The following CCSER1 variants were observed in gnomAD, a reference collection of about 807,000 sequenced individuals.
CCSER1 encodes coiled-coil serine rich protein 1.
A neutral mutation model predicts 82.0 loss-of-function variants in CCSER1; 41 were observed. The observed-to-expected ratio is 0.50, with a 90% confidence interval of 0.39 to 0.65. CCSER1 has a LOEUF of 0.65. Among genes scored for constraint, CCSER1 ranks in the 30% least tolerant of loss-of-function variants. The pLI, the probability that CCSER1 is intolerant of heterozygous loss-of-function variation, is 0.00. For synonymous variants in CCSER1, 414 were observed against 383.9 expected (o/e 1.08, Z -0.92); for missense variants, 1,119 against 1,064.2 (o/e 1.05, Z -0.72).
intron 1 of CCSER1, among the ~76,000 whole-genome samples, chr4:90,205,076 C>T (rs1220140634): frequency 1.3e-5 from 2 of 152,170 alleles, no homozygotes; most frequent in South Asian, 2.1e-4. Flanking sequence ...TGCTTATCAG[C>T]TTAAGGAAAT....
chr4:90,999,202 G>T (rs1737778683), intron 9 of CCSER1, among the ~76,000 whole-genome samples: 1 of 152,066 alleles, frequency 6.6e-6, no homozygotes, highest in Admixed American at 6.6e-5. Context: ...TGTGAGTGCT[G>T]TCCCTTTACG....
intron 10 of CCSER1, among the ~76,000 whole-genome samples, chr4:91,342,459 C>T (rs1003784958): frequency 6.6e-6 from 1 of 152,080 alleles, no homozygotes; most frequent in Non-Finnish European, 1.5e-5. Flanking sequence ...TAAGGATTGG[C>T]CTACTCTTTT....
intron 7 of CCSER1, among the ~76,000 whole-genome samples, chr4:90,749,574 C>A (rs973240911): frequency 2.6e-5 from 4 of 151,936 alleles, no homozygotes; most frequent in Non-Finnish European, 4.4e-5. Context: ...ATTCTGTGAA[C>A]AAAGTCATTG....
chr4:91,356,296 T>C (rs1645471116), intron 10 of CCSER1, among the ~76,000 whole-genome samples: 1 of 152,262 alleles, frequency 6.6e-6, no homozygotes, highest in African/African-American at 2.4e-5. Context: ...GGGGCCGACA[T>C]GCGTTTTTCT....
intron 6 of CCSER1, among the ~76,000 whole-genome samples, chr4:90,675,063 C>A (rs1412012806): frequency 6.6e-6 from 1 of 151,992 alleles, no homozygotes; most frequent in African/African-American, 2.4e-5. Context: ...CATTTACTAT[C>A]ATCATTGTGA....
At chr4:90,223,388 C>G (rs1261709211) in intron 1 of CCSER1, among the ~76,000 whole-genome samples, 1 of 151,804 alleles carries the variant, frequency 6.6e-6, no homozygotes, top group Non-Finnish European at 1.5e-5. Flanking sequence ...AATTACTAAC[C>G]CTTCATTATT....
At chr4:90,937,202 G>C (rs1344495556) in intron 9 of CCSER1, among the ~76,000 whole-genome samples, 3 of 152,128 alleles carry the variant, frequency 2.0e-5, no homozygotes, top group African/African-American at 7.2e-5. Context: ...GTGTAGAAAA[G>C]AGCCATCAGG....
intron 10 of CCSER1, among the ~76,000 whole-genome samples, chr4:91,455,743 G>A (rs1244986726): frequency 2.0e-5 from 3 of 151,976 alleles, no homozygotes; most frequent in Admixed American, 6.6e-5. Flanking sequence ...TATAATTGCA[G>A]AACAAATATT....
intron 10 of CCSER1, among the ~76,000 whole-genome samples, chr4:91,464,206 T>TC (rs36138203): frequency 0.84 from 127,417 of 152,084 alleles, 53,847 homozygotes; most frequent in African/African-American, 0.94. Flanking sequence ...TATTCAACAT[T>TC]TTAAAGAAAA....
At chr4:91,219,454 A>C (rs1221360134) in intron 10 of CCSER1, among the ~76,000 whole-genome samples, 1 of 151,896 alleles carries the variant, frequency 6.6e-6, no homozygotes, top group African/African-American at 2.4e-5. Context: ...CTGGGTCTGC[A>C]GTCGCCTGCC....
chr4:91,334,493 G>A (rs530573471), intron 10 of CCSER1, among the ~76,000 whole-genome samples: 24 of 152,020 alleles, frequency 1.6e-4, no homozygotes, highest in Non-Finnish European at 2.8e-4. Context: ...CATGAGAAAA[G>A]CAGTTGCTAC....
chr4:90,523,581 A>G (rs1353619037), intron 5 of CCSER1, among the ~76,000 whole-genome samples: 1 of 152,178 alleles, frequency 6.6e-6, no homozygotes, highest in African/African-American at 2.4e-5. Flanking sequence ...TTGAGAATAC[A>G]GTTTTGTTAT....
chr4:91,418,890 T>G (rs1351756547), intron 10 of CCSER1, among the ~76,000 whole-genome samples: 1 of 152,008 alleles, frequency 6.6e-6, no homozygotes, highest in African/African-American at 2.4e-5. Context: ...AAAAGAATCA[T>G]AAACCATGAT....
At chr4:90,382,994 C>A (rs1267334551) in intron 3 of CCSER1, among the ~76,000 whole-genome samples, 3 of 152,050 alleles carry the variant, frequency 2.0e-5, no homozygotes, top group Admixed American at 2.0e-4. Context: ...ATATTCAAGG[C>A]TGTTCCAGGT....
At chr4:90,740,393 A>G (rs1038940302) in intron 7 of CCSER1, among the ~76,000 whole-genome samples, 1 of 152,194 alleles carries the variant, frequency 6.6e-6, no homozygotes, top group African/African-American at 2.4e-5. Context: ...TGAGAATTAT[A>G]TCCTGGTAAG....
chr4:90,644,737 C>T (rs1051330937), intron 6 of CCSER1, among the ~76,000 whole-genome samples: 6 of 151,916 alleles, frequency 3.9e-5, no homozygotes, highest in African/African-American at 1.5e-4. Context: ...TCTGTGCCTG[C>T]ATAAGTTTGC....
chr4:90,207,130 C>A (rs565262049), intron 1 of CCSER1, among the ~76,000 whole-genome samples: 17 of 152,138 alleles, frequency 1.1e-4, no homozygotes, highest in Non-Finnish European at 2.1e-4. Context: ...TGAATCTTGA[C>A]TCTTTATCCA....
At chr4:91,105,329 A>C (rs1055273009) in intron 10 of CCSER1, among the ~76,000 whole-genome samples, 3 of 151,966 alleles carry the variant, frequency 2.0e-5, no homozygotes, top group Admixed American at 2.0e-4. Flanking sequence ...GCCCTCTGCT[A>C]TTTACCCAAG....
intron 9 of CCSER1, among the ~76,000 whole-genome samples, chr4:91,045,971 CCGGCAG>C (rs1460876563): frequency 3.3e-5 from 2 of 60,204 alleles, no homozygotes; most frequent in African/African-American, 1.1e-4. Flanking sequence ...GGTTCTCTGG[CCGGCAG>C]GGGCAGGGGT....
Sources: allele counts gnomAD v4.1 joint callset (sites outside exome capture counted in the v4.1 genomes callset), GRCh38; gene constraint gnomAD v4.1.1; transcripts MANE v1.5; gene names NCBI Gene and HGNC (gene_info 2026-07-23, HGNC 2026-07-21).